Variants in CACNG3 observed in about 807,000 individuals in gnomAD.
CACNG3 encodes the protein calcium voltage-gated channel auxiliary subunit gamma 3.
CACNG3 carries 3 observed loss-of-function variants against 28.5 expected under a neutral mutation model. That is an observed-to-expected ratio of 0.11 (90% CI 0.05 to 0.27). The LOEUF (loss-of-function observed/expected upper bound fraction) is 0.27. Among genes scored for constraint, CACNG3 ranks in the 10% least tolerant of loss-of-function variants. The pLI is 1.00. For missense variants in CACNG3, 236 were observed against 414.4 expected (o/e 0.57, Z 3.74); for synonymous variants, 174 against 162.2 (o/e 1.07, Z -0.55).
Position 24,300,312 on chromosome 16 carries a change from C to T in CACNG3, c.211+43347C>T, listed in dbSNP as rs148343021. On this transcript the variant is annotated intron_variant, in intron 1 of 3. Coordinates refer to ENST00000005284, the MANE Select transcript of CACNG3 (RefSeq NM_006539.4). ...CTCTCGAATCTGTACACAGGGGCCC[C>T]GATAAGGTGTCTACAGAGGCCAGGC... Among the ~76,000 whole-genome samples, 133 of 152,064 alleles carry T rather than the reference C, an allele frequency of 8.7e-4. 1 individual carries two copies. Among genetic ancestry groups the T allele is most frequent in the African/African-American group, 2.8e-3 (118 of 41,460 alleles).
At chr16:24,296,381 A>G (rs2141357660) in intron 1 of CACNG3, among the ~76,000 whole-genome samples, 1 of 152,322 alleles carries the variant, frequency 6.6e-6, no homozygotes, top group East Asian at 1.9e-4. Flanking sequence ...CAGAAAACAA[A>G]ATTAAACCTC....
At chr16:24,358,264 A>T (rs910305472) in intron 3 of CACNG3, among the ~76,000 whole-genome samples, 5 of 152,268 alleles carry the variant, frequency 3.3e-5, no homozygotes, top group Non-Finnish European at 7.3e-5. Flanking sequence ...TAAGCTCTGA[A>T]GTCAGGCTGC....
At chr16:24,317,697 A>AAAG (rs1899399434) in intron 1 of CACNG3, among the ~76,000 whole-genome samples, 2 of 109,362 alleles carry the variant, frequency 1.8e-5, no homozygotes, top group Admixed American at 1.8e-4. Context: ...AGAAAGAAAG[A>AAAG]AAGAAAGAAA....
chr16:24,305,320 ATGTGTGTGTGTGTGTGTGTGTGTG>A (rs57584370), intron 1 of CACNG3, among the ~76,000 whole-genome samples: 2 of 136,216 alleles, frequency 1.5e-5, no homozygotes, highest in Non-Finnish European at 1.6e-5. Context: ...ATACATAAAT[ATGTGTGTGTGTGTGTGTGTGTGTG>A]TGTGTGTGTG....
At chr16:24,300,296 C>G (rs1161379181) in intron 1 of CACNG3, among the ~76,000 whole-genome samples, 4 of 152,124 alleles carry the variant, frequency 2.6e-5, no homozygotes, top group Non-Finnish European at 5.9e-5. Flanking sequence ...GCTCTCGAAT[C>G]TGTACACAGG....
intron 1 of CACNG3, among the ~76,000 whole-genome samples, chr16:24,316,286 C>G (rs3785374): frequency 0.026 from 3,872 of 148,994 alleles, 203 homozygotes; most frequent in African/African-American, 0.081. Context: ...TCCCTGGCAG[C>G]AGCCCTCCCC....
intron 1 of CACNG3, among the ~76,000 whole-genome samples, chr16:24,267,439 C>T (rs978563825): frequency 2.0e-5 from 3 of 152,046 alleles, no homozygotes; most frequent in African/African-American, 7.2e-5. Context: ...AGGCACATGC[C>T]ACCATGCCCA....
At chr16:24,295,265 A>G (rs1425627938) in intron 1 of CACNG3, among the ~76,000 whole-genome samples, 2 of 152,124 alleles carry the variant, frequency 1.3e-5, no homozygotes, top group East Asian at 1.9e-4. Context: ...TGTCAAAACT[A>G]CTACCGAGAT....
intron 1 of CACNG3, among the ~76,000 whole-genome samples, chr16:24,317,631 AC>A (rs1899385441): frequency 1.8e-5 from 1 of 55,786 alleles, no homozygotes. Flanking sequence ...AGAAAGACAG[AC>A]AGAAAGAAAG....
At chr16:24,303,376 G>A (rs1053647974) in intron 1 of CACNG3, among the ~76,000 whole-genome samples, 1 of 143,454 alleles carries the variant, frequency 7.0e-6, no homozygotes, top group Non-Finnish European at 1.5e-5. Flanking sequence ...ATTTAGTAGA[G>A]GTGGGGTCTC....
At chr16:24,334,853 A>G (rs966254040) in intron 1 of CACNG3, among the ~76,000 whole-genome samples, 1 of 152,144 alleles carries the variant, frequency 6.6e-6, no homozygotes, top group African/African-American at 2.4e-5. Flanking sequence ...CTGTGAGAAT[A>G]CACACGCATG....
intron 1 of CACNG3, among the ~76,000 whole-genome samples, chr16:24,261,344 G>A (rs995968106): frequency 1.3e-5 from 2 of 152,222 alleles, no homozygotes; most frequent in African/African-American, 4.8e-5. Context: ...AGCCTCATCT[G>A]AAGGATGACT....
chr16:24,314,733 G>GCCGCCTCCT (rs1431233186), intron 1 of CACNG3, among the ~76,000 whole-genome samples: 3 of 119,014 alleles, frequency 2.5e-5, no homozygotes, highest in Non-Finnish European at 5.5e-5. Context: ...TAGGACTCTC[G>GCCGCCTCCT]CCTCCTCCTC....
intron 2 of CACNG3, among the ~76,000 whole-genome samples, chr16:24,350,489 T>C (rs1567225113): frequency 6.6e-6 from 1 of 151,892 alleles, no homozygotes; most frequent in African/African-American, 2.4e-5. Flanking sequence ...TTTTGTAGAG[T>C]TGGGGTCCCC....
intron 1 of CACNG3, among the ~76,000 whole-genome samples, chr16:24,309,988 C>T (rs567230442): frequency 6.6e-6 from 1 of 152,204 alleles, no homozygotes; most frequent in Admixed American, 6.5e-5. Flanking sequence ...GCCATGGAGT[C>T]ATGTGAAGTG....
intron 1 of CACNG3, among the ~76,000 whole-genome samples, chr16:24,310,891 T>C (rs1899251991): frequency 1.3e-5 from 2 of 152,180 alleles, no homozygotes; most frequent in South Asian, 2.1e-4. Flanking sequence ...CATCCTTCCC[T>C]GAGCCTCTCA....
intron 2 of CACNG3, among the ~76,000 whole-genome samples, chr16:24,347,710 T>C (rs746927534): frequency 1.3e-5 from 2 of 152,188 alleles, no homozygotes; most frequent in African/African-American, 2.4e-5. Flanking sequence ...GTAACCTGGA[T>C]ATGACATGAA....
intron 1 of CACNG3, among the ~76,000 whole-genome samples, chr16:24,267,819 G>A (rs1169783102): frequency 6.6e-6 from 1 of 152,018 alleles, no homozygotes; most frequent in Non-Finnish European, 1.5e-5. Context: ...ACAGATGTGG[G>A]CCACCATGTC....
intron 2 of CACNG3, among the ~76,000 whole-genome samples, chr16:24,353,916 G>A (rs1436863644): frequency 1.3e-5 from 2 of 152,158 alleles, no homozygotes; most frequent in African/African-American, 4.8e-5. Context: ...TCTTAGGCCG[G>A]GTGCAGTGGC....
Sources: allele counts gnomAD v4.1 joint callset (sites outside exome capture counted in the v4.1 genomes callset), GRCh38; gene constraint gnomAD v4.1.1; transcripts MANE v1.5; gene names NCBI Gene and HGNC (gene_info 2026-07-23, HGNC 2026-07-21).